RBMS3: variants seen among roughly 807,000 people sequenced by gnomAD.
The protein encoded by RBMS3 is RNA binding motif single stranded interacting protein 3.
RBMS3 carries 27 observed loss-of-function variants against 66.8 expected under a neutral mutation model. That is an observed-to-expected ratio of 0.40 (90% CI 0.30 to 0.56). RBMS3 has a LOEUF of 0.56. RBMS3 is among the 20% of genes least tolerant of loss of function. RBMS3 has a pLI of 0.40. For synonymous variants in RBMS3, 188 were observed against 183.0 expected (o/e 1.03, Z -0.22); for missense variants, 513 against 549.5 (o/e 0.93, Z 0.66).
chr3:29,697,116 A>G (rs2052315971), intron 4 of RBMS3: 1 of 985,054 alleles, frequency 1.0e-6, no homozygotes. Context: ...ACAGGCACAA[A>G]AAGCATTTGT....
At chr3:29,432,430 CA>C (rs1300556292) in intron 1 of RBMS3, among the ~76,000 whole-genome samples, 3 of 152,090 alleles carry the variant, frequency 2.0e-5, no homozygotes, top group Admixed American at 6.6e-5. Context: ...AGGGACTGAC[CA>C]AATTTAAAAT....
chr3:29,399,013 C>T (rs190831069), intron 1 of RBMS3, among the ~76,000 whole-genome samples: 90 of 152,248 alleles, frequency 5.9e-4, no homozygotes, highest in African/African-American at 2.1e-3. Flanking sequence ...TTGATATTCC[C>T]AGGCTGCCAG....
chr3:29,993,916 C>T (rs185134931), intron 14 of RBMS3, among the ~76,000 whole-genome samples: 81 of 152,174 alleles, frequency 5.3e-4, no homozygotes, highest in Non-Finnish European at 7.6e-4. Context: ...ATCTCTGTAT[C>T]GGGGGGAGGA....
At chr3:29,913,102 C>T (rs2060555821) in intron 10 of RBMS3, among the ~76,000 whole-genome samples, 2 of 152,072 alleles carry the variant, frequency 1.3e-5, no homozygotes, top group South Asian at 4.1e-4. Context: ...ATGATTTTAA[C>T]AGTACTAGAC....
chr3:29,840,576 A>C (rs901561488), intron 6 of RBMS3, among the ~76,000 whole-genome samples: 3 of 152,066 alleles, frequency 2.0e-5, no homozygotes, highest in Non-Finnish European at 4.4e-5. Flanking sequence ...AAGACCAATA[A>C]CATCTTAGTA....
intron 1 of RBMS3, among the ~76,000 whole-genome samples, chr3:29,368,382 G>A (rs1158544991): frequency 6.6e-6 from 1 of 152,056 alleles, no homozygotes; most frequent in Non-Finnish European, 1.5e-5. Flanking sequence ...TATATTTATT[G>A]GAGTATTGCT....
chr3:29,297,098 T>C (rs994079498), intron 1 of RBMS3, among the ~76,000 whole-genome samples: 2 of 151,554 alleles, frequency 1.3e-5, no homozygotes, highest in Non-Finnish European at 3.0e-5. Context: ...GCTAGTAGAG[T>C]AATAGTTGTG....
intron 6 of RBMS3, among the ~76,000 whole-genome samples, chr3:29,777,969 C>T (rs980415547): frequency 3.3e-5 from 5 of 151,812 alleles, no homozygotes; most frequent in Non-Finnish European, 7.4e-5. Context: ...TTTGAAGTGT[C>T]GTTCAAATAA....
At chr3:29,314,434 A>G (rs1361586515) in intron 1 of RBMS3, among the ~76,000 whole-genome samples, 1 of 151,704 alleles carries the variant, frequency 6.6e-6, no homozygotes, top group East Asian at 1.9e-4. Context: ...CTTAAAGGTC[A>G]CTGCTGGAAG....
At chr3:29,332,985 G>A (rs2035751822) in intron 1 of RBMS3, among the ~76,000 whole-genome samples, 1 of 152,026 alleles carries the variant, frequency 6.6e-6, no homozygotes, top group Non-Finnish European at 1.5e-5. Flanking sequence ...TATTTTCTCA[G>A]CTAGTCTATT....
intron 6 of RBMS3, among the ~76,000 whole-genome samples, chr3:29,848,904 A>G (rs567800991): frequency 2.1e-3 from 326 of 152,300 alleles, no homozygotes; most frequent in Non-Finnish European, 3.2e-3. Context: ...CCATTTTTGG[A>G]CATTGCTCAA....
chr3:29,496,353 G>T (rs541488875), intron 3 of RBMS3, among the ~76,000 whole-genome samples: 2 of 152,048 alleles, frequency 1.3e-5, no homozygotes, highest in South Asian at 4.1e-4. Context: ...CCAGTCATAG[G>T]TCATCAATAT....
intron 6 of RBMS3, among the ~76,000 whole-genome samples, chr3:29,837,787 G>A (rs891557727): frequency 6.8e-6 from 1 of 147,352 alleles, no homozygotes; most frequent in African/African-American, 2.5e-5. Flanking sequence ...CATGTGTTCT[G>A]GCTGCCTGAG....
chr3:29,377,317 G>C (rs2038527595), intron 1 of RBMS3, among the ~76,000 whole-genome samples: 1 of 152,158 alleles, frequency 6.6e-6, no homozygotes, highest in Non-Finnish European at 1.5e-5. Context: ...CGTGAACAGA[G>C]GAAAAGTGTC....
At chr3:29,310,717 G>A (rs1468507789) in intron 1 of RBMS3, among the ~76,000 whole-genome samples, 1 of 151,674 alleles carries the variant, frequency 6.6e-6, no homozygotes, top group African/African-American at 2.4e-5. Flanking sequence ...TTAGGCTAAC[G>A]CTGAAGGGAA....
intron 12 of RBMS3, among the ~76,000 whole-genome samples, chr3:29,948,946 C>A (rs932804399): frequency 5.3e-5 from 8 of 151,774 alleles, no homozygotes; most frequent in Non-Finnish European, 1.0e-4. Flanking sequence ...TAGTATATGA[C>A]AGACATCACA....
chr3:29,759,189 T>C (rs1045975781), intron 5 of RBMS3, among the ~76,000 whole-genome samples: 2 of 152,030 alleles, frequency 1.3e-5, no homozygotes, highest in South Asian at 2.1e-4. Context: ...GCTGTTAAAC[T>C]AGCTCCTCTT....
chr3:29,329,078 G>C (rs2035503006), intron 1 of RBMS3, among the ~76,000 whole-genome samples: 1 of 152,062 alleles, frequency 6.6e-6, no homozygotes, highest in South Asian at 2.1e-4. Context: ...TGTAAATTAA[G>C]GTTCAGTGTT....
intron 2 of RBMS3, among the ~76,000 whole-genome samples, chr3:29,473,722 A>C (rs1316991765): frequency 6.6e-6 from 1 of 152,012 alleles, no homozygotes; most frequent in Admixed American, 6.5e-5. Flanking sequence ...GACCCAGTAC[A>C]CCCTCCGCAG....
Sources: allele counts gnomAD v4.1 joint callset (sites outside exome capture counted in the v4.1 genomes callset), GRCh38; gene constraint gnomAD v4.1.1; transcripts MANE v1.5; gene names NCBI Gene and HGNC (gene_info 2026-07-23, HGNC 2026-07-21).